The following RGSL1 variants were observed in gnomAD, a reference collection of about 807,000 sequenced individuals.
The protein encoded by RGSL1 is regulator of G protein signaling like 1.
Under a neutral mutation model 124.7 loss-of-function variants are expected in RGSL1, and 97 were observed. The ratio of observed to expected loss-of-function variants is 0.78; its 90% CI spans 0.66 to 0.92. RGSL1 has a LOEUF of 0.92. Ranked by LOEUF, RGSL1 falls within the 40% of genes least tolerant of loss-of-function variation. The probability of loss-of-function intolerance (pLI) is 0.00; values close to 1 mark genes in which losing one functional copy is unlikely to be tolerated. For synonymous variants in RGSL1, 424 were observed against 438.1 expected, an observed-to-expected ratio of 0.97 and a Z score of 0.40; for missense variants, 1,233 against 1,288.4, an observed-to-expected ratio of 0.96 and a Z score of 0.66.
chr1:182,533,029 C>A (rs1308630197), intron 14 of RGSL1, among the ~76,000 whole-genome samples: 1 of 152,158 alleles, frequency 6.6e-6, no homozygotes. Flanking sequence ...ACTGCAAAAT[C>A]TCACATTTTA....
At chr1:182,489,622 A>AC (rs1378649045) in intron 8 of RGSL1, among the ~76,000 whole-genome samples, 1 of 152,170 alleles carries the variant, frequency 6.6e-6, no homozygotes, top group Admixed American at 6.5e-5. Context: ...TTTTACAGTC[A>AC]CCCGCTTCCC....
At chr1:182,498,052 T>C (rs142926876) in intron 9 of RGSL1, among the ~76,000 whole-genome samples, 1 of 152,284 alleles carries the variant, frequency 6.6e-6, no homozygotes, top group African/African-American at 2.4e-5. Flanking sequence ...GCCAGGATTC[T>C]TTGTTATAAA....
At chr1:182,484,717 A>G (rs890107349) in intron 6 of RGSL1, among the ~76,000 whole-genome samples, 1 of 152,194 alleles carries the variant, frequency 6.6e-6, no homozygotes, top group Non-Finnish European at 1.5e-5. Flanking sequence ...AGATGAAGCA[A>G]TTCTACCAAA....
chr1:182,537,979 G>A lies in RGSL1; in HGVS notation c.2495-2268G>A, dbSNP rs60779445. ...CTCAGGTCCATCTCCTTAATTCAGA[G>A]AGTCCACTGAACTTGACCTGGGTTT... On this transcript the variant is annotated intron_variant, in intron 14 of 21. Coordinates refer to ENST00000294854, the MANE Select transcript of RGSL1 (RefSeq NM_001137669.2). 8.1e-3 allele frequency among the ~76,000 whole-genome samples: 1,231 copies of A among 152,178 alleles called. 18 individuals are homozygous for A. The highest frequency in any genetic ancestry group is 0.031 in the Middle Eastern group (9 of 294).
chr1:182,480,460 G>GT (rs34766284), intron 6 of RGSL1, among the ~76,000 whole-genome samples: 14,338 of 142,102 alleles, frequency 0.1, 876 homozygotes, highest in East Asian at 0.25. Context: ...AACATTACAA[G>GT]TTTTTTTTTT....
At chr1:182,453,454 G>A (rs1396380963) in intron 1 of RGSL1, 2 of 154,166 alleles carry the variant, frequency 1.3e-5, no homozygotes, top group African/African-American at 4.8e-5. Context: ...AAGTATTTCA[G>A]TTGTGAGTAC....
chr1:182,516,559 C>A (rs904388903), intron 9 of RGSL1, among the ~76,000 whole-genome samples: 2 of 151,892 alleles, frequency 1.3e-5, no homozygotes, highest in Non-Finnish European at 2.9e-5. Context: ...AAGTGATTTT[C>A]TCTTGTAGTA....
chr1:182,551,056 C>G, intron 17 of RGSL1, 44 bp from the exon 18 acceptor site: 1 of 1,363,998 alleles, frequency 7.3e-7, no homozygotes, highest in Non-Finnish European at 1.0e-6. Context: ...CAGCCCCCTC[C>G]ACTGGGGGTT....
intron 13 of RGSL1, 44 bp downstream of exon 13, chr1:182,530,954 A>G: frequency 1.3e-6 from 2 of 1,528,208 alleles, no homozygotes; most frequent in Non-Finnish European, 1.8e-6. Flanking sequence ...AGACAAGAAA[A>G]CCATCGTCTT....
intron 10 of RGSL1, among the ~76,000 whole-genome samples, chr1:182,527,368 G>A (rs1309540127): frequency 6.6e-6 from 1 of 152,142 alleles, no homozygotes; most frequent in Non-Finnish European, 1.5e-5. Flanking sequence ...CATTAGGAAG[G>A]AAGATATTGG....
chr1:182,485,763 A>G (rs960617169), intron 6 of RGSL1, among the ~76,000 whole-genome samples: 5 of 152,186 alleles, frequency 3.3e-5, no homozygotes, highest in Non-Finnish European at 7.3e-5. Flanking sequence ...GGCTTCCCAC[A>G]TGTATTTGCA....
At chr1:182,503,335 A>G (rs1449653569) in intron 9 of RGSL1, among the ~76,000 whole-genome samples, 1 of 152,094 alleles carries the variant, frequency 6.6e-6, no homozygotes. Flanking sequence ...AAAGAAATGG[A>G]TCCAGATGAA....
Position 182,474,354 on chromosome 1 carries a change from A to T in RGSL1, c.1243A>T (p.Asn415Tyr), listed in dbSNP as rs35418081. Residue 415 changes from asparagine (N) to tyrosine (Y), a missense_variant, in exon 6 of 22, where the codon AAT (asparagine) becomes TAT (tyrosine). Asn to Tyr is a moderately radical substitution (Grantham distance 143, BLOSUM62 -2). Transcript: ENST00000294854. Reference sequence around the variant, plus strand: ...GCAGCATTTCCTCAGTGTCCTTCTGAATAACAAAAAGAATGGGAATGCAAT... The same window carrying T: ...GCAGCATTTCCTCAGTGTCCTTCTGTATAACAAAAAGAATGGGAATGCAAT... ...DLQHFLSVLL[N>Y]NKKNGNAIFR... 1.4e-3 allele frequency: 2,201 copies of T among 1,551,876 alleles called. 25 individuals carry two copies. In the African/African-American group the frequency reaches 0.022, roughly 16 times the overall value.
intron 21 of RGSL1, among the ~76,000 whole-genome samples, chr1:182,560,009 A>T (rs568892459): frequency 3.3e-5 from 5 of 152,394 alleles, no homozygotes; most frequent in African/African-American, 1.2e-4. Flanking sequence ...GCACAGTGAC[A>T]TGCAGATAAT....
chr1:182,509,690 G>T (rs1410789857), intron 9 of RGSL1, among the ~76,000 whole-genome samples: 3 of 137,666 alleles, frequency 2.2e-5, no homozygotes, highest in African/African-American at 8.2e-5. Flanking sequence ...CCTCCCTCCC[G>T]GACGGCACGG....
intron 9 of RGSL1, among the ~76,000 whole-genome samples, chr1:182,520,575 C>G (rs1178717890): frequency 2.6e-5 from 4 of 152,062 alleles, no homozygotes; most frequent in Non-Finnish European, 5.9e-5. Flanking sequence ...CTCATTGTTT[C>G]TAACCTCTAT....
Position 182,532,652 on chromosome 1 carries a change from C to A in RGSL1, c.2365-10C>A. The stretch of plus-strand genomic sequence containing the variant: ...TAATGAACATGTTATACTCCTCTTT[C>A]TTTCCCCAGAAGAAAGGCTGGATGA... On this transcript the variant is annotated splice_polypyrimidine_tract_variant and intron_variant, in intron 13 of 21. Transcript: ENST00000294854. 2 of 1,549,980 alleles carry A rather than the reference C, an allele frequency of 1.3e-6. No homozygotes were observed. The highest frequency in any genetic ancestry group is 2.4e-5 in the South Asian group (2 of 83,904).
In RGSL1 at chr1:182,548,315, A is replaced by C; in HGVS notation, c.2670-2A>C. On this transcript the variant is annotated splice_acceptor_variant, in intron 15 of 21. Transcript: ENST00000294854. LOFTEE classifies it high-confidence loss of function. ...ATTTCCTACTTCACATTTCTTTTTT[A>C]GATTTAATGATCTGGTCAGTTCAGC... 1 of 1,551,788 alleles carries C rather than the reference A, an allele frequency of 6.4e-7. No individual in the cohort carries two copies. The highest frequency in any genetic ancestry group is 8.7e-7 in the Non-Finnish European group (1 of 1,146,984).
chr1:182,473,475 T>C (rs1654014284), intron 5 of RGSL1, 100 bp from the exon 6 acceptor site: 1 of 1,290,224 alleles, frequency 7.8e-7, no homozygotes, highest in Non-Finnish European at 1.0e-6. Context: ...TAAAATGCTA[T>C]ATACAAAGAC....
Sources: allele counts gnomAD v4.1 joint callset (sites outside exome capture counted in the v4.1 genomes callset), GRCh38; gene constraint gnomAD v4.1.1; transcripts MANE v1.5; gene names NCBI Gene and HGNC (gene_info 2026-07-23, HGNC 2026-07-21).